ZNF280C: variants seen among roughly 807,000 people sequenced by gnomAD.
ZNF280C encodes the protein suppressor of hairy wing homolog 3.
In ZNF280C, 14 loss-of-function variants were observed where a neutral mutation model predicts 53.6. The ratio of observed to expected loss-of-function variants is 0.26; its 90% CI spans 0.17 to 0.41. ZNF280C has a LOEUF of 0.41. ZNF280C is among the 10% of genes least tolerant of loss of function. The pLI is 1.00. For synonymous variants in ZNF280C, 203 were observed against 181.1 expected (o/e 1.12, Z -0.97); for missense variants, 416 against 547.1 (o/e 0.76, Z 2.39).
chrX:130,250,893 G>A (rs997547833), intron 2 of ZNF280C, among the ~76,000 whole-genome samples: 3 of 110,296 alleles, frequency 2.7e-5, no homozygotes, highest in African/African-American at 9.9e-5. Context: ...CCAGGAGTTC[G>A]AGACCGGCCT....
intron 16 of ZNF280C, among the ~76,000 whole-genome samples, chrX:130,205,664 G>A (rs147665077): frequency 5.5e-5 from 6 of 109,993 alleles, no homozygotes; most frequent in African/African-American, 1.7e-4. Context: ...GGATCACCTG[G>A]GGTCAGGAGT....
chrX:130,244,560 G>A (rs2032428346), intron 3 of ZNF280C, among the ~76,000 whole-genome samples: 2 of 110,291 alleles, frequency 1.8e-5, no homozygotes. Flanking sequence ...GGCAGATCAT[G>A]AGGTCAGGAG....
At chrX:130,268,356 G>C (rs1016968462) in intron 1 of ZNF280C, among the ~76,000 whole-genome samples, 1 of 111,554 alleles carries the variant, frequency 9.0e-6, no homozygotes, top group African/African-American at 3.3e-5. Context: ...GAAGAGACTT[G>C]AGGGTGGGCG....
intron 12 of ZNF280C, among the ~76,000 whole-genome samples, chrX:130,226,470 T>C (rs1332643095): frequency 8.9e-6 from 1 of 111,867 alleles, no homozygotes; most frequent in Admixed American, 9.5e-5. Flanking sequence ...TTCTGTTTTT[T>C]CCTCCACTTT....
rs767585013 is a variant in ZNF280C, at chrX:130,243,464, C to T, written c.381+99G>A. ...CTCCCAAAGTACCAAAGATTACAGG[C>T]GTGAGCCACTGTGCCCGGCTGACAG... On this transcript the variant is annotated intron_variant, in intron 5 of 18. Coordinates refer to ENST00000370978, the MANE Select transcript of ZNF280C (RefSeq NM_017666.5). The T allele has an allele frequency of 1.5e-5, 14 of 963,176 alleles. No individual in the cohort carries two copies. In the East Asian group the frequency reaches 2.9e-4, roughly 20 times the overall value. The allele number at this position is 963,176 out of a possible 1,213,427, so 79.4% of individuals were successfully genotyped here.
chrX:130,241,809 T>C (rs1006776681), intron 5 of ZNF280C, among the ~76,000 whole-genome samples: 1 of 111,360 alleles, frequency 9.0e-6, no homozygotes, highest in Non-Finnish European at 1.9e-5. Context: ...GATGTGTGTA[T>C]ACACATGTTT....
At position 130,209,689 on chromosome X, in the gene ZNF280C, C is replaced by T. The variant is rs148236809; in HGVS notation, c.2006G>A (p.Arg669Gln). 27 of 1,205,351 alleles carry T rather than the reference C, an allele frequency of 2.2e-5. No individual in the cohort carries two copies. Among genetic ancestry groups the T allele is most frequent in the Non-Finnish European group, 2.9e-5 (26 of 893,031 alleles). Reference protein sequence around the residue: ...MSSHSNHPGKRFCIFKKHSGT... With the variant: ...MSSHSNHPGKQFCIFKKHSGT... ...TGAATGCTTCTTGAAAATACAAAAC[C>T]GTTTACCTGGATGGTTGCTATGAGA... is the stretch of plus-strand genomic sequence containing the variant. The change falls in exon 16 of 19, where the codon CGG becomes CAG. Residue 669 changes from arginine (R) to glutamine (Q), a missense_variant. Coordinates refer to ENST00000370978, the MANE Select transcript of ZNF280C (RefSeq NM_017666.5).
intron 13 of ZNF280C, 110 bp downstream of exon 13, chrX:130,220,239 G>T: frequency 1.4e-6 from 1 of 694,733 alleles, no homozygotes; most frequent in Non-Finnish European, 2.0e-6. Flanking sequence ...AGTTGCCCTA[G>T]TGAGCTTTCT....
intron 5 of ZNF280C, among the ~76,000 whole-genome samples, chrX:130,241,396 T>C (rs191705267): frequency 8.9e-6 from 1 of 112,118 alleles, no homozygotes; most frequent in Admixed American, 9.5e-5. Context: ...ATCCCACAGA[T>C]CCCTGAAAGA....
intron 15 of ZNF280C, 116 bp downstream of exon 15, chrX:130,215,077 C>T (rs1282336869): frequency 1.3e-6 from 1 of 750,070 alleles, no homozygotes; most frequent in African/African-American, 2.2e-5. Flanking sequence ...TTCCCTATTG[C>T]TAGACCCTTT....
intron 5 of ZNF280C, among the ~76,000 whole-genome samples, chrX:130,243,005 A>G (rs1048785253): frequency 2.7e-5 from 3 of 111,696 alleles, no homozygotes; most frequent in Non-Finnish European, 5.6e-5. Flanking sequence ...TCATATTTAG[A>G]TAGTATAGTT....
chrX:130,251,800 A>C (rs2032515399), intron 2 of ZNF280C, among the ~76,000 whole-genome samples: 1 of 110,216 alleles, frequency 9.1e-6, no homozygotes, highest in Middle Eastern at 4.7e-3. Flanking sequence ...AAAAAAAAAA[A>C]AAACAAAAAC....
intron 12 of ZNF280C, among the ~76,000 whole-genome samples, chrX:130,225,825 T>C (rs1327652806): frequency 5.3e-5 from 6 of 112,349 alleles, no homozygotes; most frequent in Non-Finnish European, 1.1e-4. Context: ...TTAGTGCCAG[T>C]ACTGAATCAA....
intron 2 of ZNF280C, among the ~76,000 whole-genome samples, chrX:130,259,451 T>C (rs1476353479): frequency 1.8e-5 from 2 of 112,416 alleles, no homozygotes; most frequent in Non-Finnish European, 3.8e-5. Flanking sequence ...TCTTTTAAAC[T>C]GAGTACTGTC....
chrX:130,208,697 A>AT (rs764350027), intron 16 of ZNF280C, among the ~76,000 whole-genome samples: 6,995 of 99,395 alleles, frequency 0.07, 685 homozygotes, highest in African/African-American at 0.24. Flanking sequence ...AAATAGCATA[A>AT]TTTTTTTTTT....
At chrX:130,217,888 G>C (rs947987723) in intron 13 of ZNF280C, among the ~76,000 whole-genome samples, 2 of 112,251 alleles carry the variant, frequency 1.8e-5, no homozygotes, top group African/African-American at 6.5e-5. Flanking sequence ...GAATTAAAAA[G>C]GGCTGGGTGT....
chrX:130,237,979 C>T (rs775414382), intron 6 of ZNF280C, among the ~76,000 whole-genome samples: 4 of 111,214 alleles, frequency 3.6e-5, no homozygotes, highest in African/African-American at 1.3e-4. Flanking sequence ...ATAAAATCAA[C>T]CTGAGCTCAA....
intron 8 of ZNF280C, among the ~76,000 whole-genome samples, chrX:130,233,312 G>A (rs1482784370): frequency 9.0e-6 from 1 of 111,444 alleles, no homozygotes; most frequent in Non-Finnish European, 1.9e-5. Flanking sequence ...TAACAATACT[G>A]TATTACATAC....
chrX:130,265,183 T>C (rs1348665206), intron 1 of ZNF280C, among the ~76,000 whole-genome samples: 1 of 112,243 alleles, frequency 8.9e-6, no homozygotes, highest in Non-Finnish European at 1.9e-5. Flanking sequence ...TCTCTGTTAA[T>C]TTTCATACTT....
Sources: gnomAD v4.1 joint callset for allele counts (sites outside exome capture counted in the v4.1 genomes callset) on GRCh38, gnomAD v4.1.1 for gene constraint, MANE v1.5 for transcripts, NCBI Gene and HGNC (gene_info 2026-07-23, HGNC 2026-07-21) for gene names.